The following RBFOX1 variants were observed in gnomAD, a reference collection of about 807,000 sequenced individuals.
RBFOX1 encodes the protein RNA binding fox-1 homolog 1, also known as RNA binding protein fox-1 homolog 1.
RBFOX1 carries 8 observed loss-of-function variants against 57.7 expected under a neutral mutation model. The ratio of observed to expected loss-of-function variants is 0.14; its 90% CI spans 0.08 to 0.25. RBFOX1 has a LOEUF of 0.25. Among genes scored for constraint, RBFOX1 ranks in the 10% least tolerant of loss-of-function variants. The pLI is 1.00. For missense variants in RBFOX1, 611 were observed against 548.5 expected, an observed-to-expected ratio of 1.11 and a Z score of -1.14; for synonymous variants, 326 against 222.4, an observed-to-expected ratio of 1.47 and a Z score of -4.15.
At chr16:7,265,834 A>G (rs184509845) in intron 4 of RBFOX1, among the ~76,000 whole-genome samples, 106 of 152,244 alleles carry the variant, frequency 7.0e-4, no homozygotes, top group African/African-American at 2.5e-3. Context: ...CTCAAATCTC[A>G]TGTTGAAATA....
At chr16:6,644,032 A>C (rs946467505) in intron 2 of RBFOX1, among the ~76,000 whole-genome samples, 1 of 152,164 alleles carries the variant, frequency 6.6e-6, no homozygotes, top group Non-Finnish European at 1.5e-5. Context: ...AGGCTGAGGC[A>C]GGAGAATCGT....
chr16:5,940,823 G>T (rs2059263767), intron 4 of RBFOX1, among the ~76,000 whole-genome samples: 1 of 152,188 alleles, frequency 6.6e-6, no homozygotes, highest in African/African-American at 2.4e-5. Flanking sequence ...TGTGCTGTGA[G>T]CATTTCCGCT....
chr16:6,887,659 C>A (rs539428178), intron 3 of RBFOX1, among the ~76,000 whole-genome samples: 1 of 141,674 alleles, frequency 7.1e-6, no homozygotes, highest in South Asian at 2.3e-4. Flanking sequence ...TGCTGTCTTT[C>A]CATAGTCATT....
At chr16:6,444,347 G>A (rs1045538049) in intron 2 of RBFOX1, among the ~76,000 whole-genome samples, 2 of 152,118 alleles carry the variant, frequency 1.3e-5, no homozygotes, top group Non-Finnish European at 2.9e-5. Context: ...GTTTGGCTGT[G>A]ACCCCACCCA....
In RBFOX1 at chr16:7,023,564, T is replaced by TAAAAAAAAAAAAAAAAAAAAAAAAAA. The variant is rs34056673; in HGVS notation, c.-15-28488_-15-28463dup. Among the ~76,000 whole-genome samples, 4 of 43,924 alleles carry TAAAAAAAAAAAAAAAAAAAAAAAAAA rather than the reference T, an allele frequency of 9.1e-5. 1 individual carries two copies. The highest frequency in any genetic ancestry group is 1.8e-4 in the African/African-American group (2 of 11,186). 28.8% of individuals were successfully genotyped at this position (43,924 alleles called of 152,430 possible). On this transcript the variant is annotated intron_variant, in intron 3 of 15. Transcript: ENST00000550418. ...CAACATGGTGAAACTTCGTCTGTAC[T>TAAAAAAAAAAAAAAAAAAAAAAAAAA]AAAAAAAAAAAAAAAAAAAAAAAAA... is the stretch of plus-strand genomic sequence containing the variant.
intron 4 of RBFOX1, among the ~76,000 whole-genome samples, chr16:7,458,403 C>G (rs980524817): frequency 2.0e-5 from 3 of 152,192 alleles, no homozygotes; most frequent in Non-Finnish European, 4.4e-5. Context: ...TCAAATCTCT[C>G]CTTGTTCATG....
chr16:5,274,292 G>T (rs1211351078), intron 1 of RBFOX1, among the ~76,000 whole-genome samples: 1 of 152,184 alleles, frequency 6.6e-6, no homozygotes, highest in Non-Finnish European at 1.5e-5. Context: ...CCTTTGGGAG[G>T]CCGAGGTGGG....
intron 2 of RBFOX1, among the ~76,000 whole-genome samples, chr16:5,534,480 C>A (rs967227553): frequency 6.6e-6 from 1 of 152,108 alleles, no homozygotes; most frequent in African/African-American, 2.4e-5. Flanking sequence ...GAGACCCCAG[C>A]AAACCACTGG....
At chr16:5,916,498 A>C (rs1283174608) in intron 4 of RBFOX1, among the ~76,000 whole-genome samples, 1 of 151,998 alleles carries the variant, frequency 6.6e-6, no homozygotes, top group Non-Finnish European at 1.5e-5. Flanking sequence ...TTGCCTATTC[A>C]CCACTTGTTT....
At chr16:5,424,989 T>TTTCTTTCTTTCTTTCTTTCTTTC (rs59594774) in intron 1 of RBFOX1, among the ~76,000 whole-genome samples, 23 of 75,804 alleles carry the variant, frequency 3.0e-4, no homozygotes, top group African/African-American at 1.0e-3. Flanking sequence ...TTTTCTTTTC[T>TTTCTTTCTTTCTTTCTTTCTTTC]TTTCTTTTCT....
intron 4 of RBFOX1, among the ~76,000 whole-genome samples, chr16:7,306,432 C>T (rs1037280047): frequency 6.6e-6 from 1 of 152,176 alleles, no homozygotes; most frequent in Non-Finnish European, 1.5e-5. Context: ...GTGACTAAAT[C>T]AGCATCATGG....
intron 1 of RBFOX1, among the ~76,000 whole-genome samples, chr16:5,288,058 C>T (rs555700629): frequency 6.6e-6 from 1 of 152,314 alleles, no homozygotes; most frequent in African/African-American, 2.4e-5. Context: ...TGCAGGTCTG[C>T]ATGTAATTGT....
At chr16:6,530,318 G>T (rs1165615827) in intron 2 of RBFOX1, among the ~76,000 whole-genome samples, 2 of 152,134 alleles carry the variant, frequency 1.3e-5, no homozygotes, top group African/African-American at 2.4e-5. Flanking sequence ...GTAAGCATGA[G>T]TGAGTTTACT....
intron 1 of RBFOX1, among the ~76,000 whole-genome samples, chr16:5,423,563 G>A (rs890559014): frequency 1.3e-5 from 2 of 152,182 alleles, no homozygotes; most frequent in Non-Finnish European, 2.9e-5. Flanking sequence ...GTTGCTGCGT[G>A]TCTCTGAGGC....
chr16:6,603,067 AG>A (rs1259887248), intron 2 of RBFOX1, among the ~76,000 whole-genome samples: 2 of 152,214 alleles, frequency 1.3e-5, no homozygotes, highest in African/African-American at 4.8e-5. Context: ...TCTTCATCCT[AG>A]TAGCAAAAAA....
chr16:6,968,511 C>T (rs1358158742), intron 3 of RBFOX1, among the ~76,000 whole-genome samples: 1 of 152,134 alleles, frequency 6.6e-6, no homozygotes, highest in Non-Finnish European at 1.5e-5. Flanking sequence ...TCTCCCATAG[C>T]CGTTTCCTGA....
intron 4 of RBFOX1, among the ~76,000 whole-genome samples, chr16:7,373,714 C>A (rs2097622670): frequency 6.6e-6 from 1 of 152,180 alleles, no homozygotes; most frequent in East Asian, 1.9e-4. Context: ...TGAAGTTGAT[C>A]ATTGCAATAG....
chr16:7,413,456 C>A (rs532996977), intron 4 of RBFOX1, among the ~76,000 whole-genome samples: 1 of 152,112 alleles, frequency 6.6e-6, no homozygotes, highest in Non-Finnish European at 1.5e-5. Context: ...AGAAACTTTG[C>A]ATTTCTCACA....
chr16:5,386,756 A>C lies in RBFOX1; in HGVS notation c.220-80460A>C, dbSNP rs887906146. Among the ~76,000 whole-genome samples the C allele has an allele frequency of 4.6e-5, 7 of 152,192 alleles. No individual in the cohort carries two copies. The South Asian group carries it at 6.2e-4, about 13-fold the overall frequency. On this transcript the variant is annotated intron_variant, in intron 1 of 2. Transcript: ENST00000585867. ...CTGTAGCTCACCAGCCGTACTTCTA[A>C]GAACGTACTTTGGGCCAGGCGTGGT... is the stretch of plus-strand genomic sequence containing the variant.
Sources: gnomAD v4.1 joint callset for allele counts (sites outside exome capture counted in the v4.1 genomes callset) on GRCh38, gnomAD v4.1.1 for gene constraint, MANE v1.5 for transcripts, NCBI Gene and HGNC (gene_info 2026-07-23, HGNC 2026-07-21) for gene names.